Variants in CTNNA3 observed in about 807,000 individuals in gnomAD.
CTNNA3 encodes catenin alpha 3, also known as catenin alpha-3.
CTNNA3 carries 76 observed loss-of-function variants against 95.7 expected under a neutral mutation model. The observed-to-expected ratio is 0.79, with a 90% CI of 0.66 to 0.96. The LOEUF (loss-of-function observed/expected upper bound fraction) is 0.96, where lower values mean the gene tolerates loss of function less well. Ranked by LOEUF, CTNNA3 falls within the 40% of genes least tolerant of loss-of-function variation. The probability of loss-of-function intolerance (pLI) is 0.00; values close to 1 mark genes in which losing one functional copy is unlikely to be tolerated. For synonymous variants in CTNNA3, 431 were observed against 374.4 expected, an observed-to-expected ratio of 1.15 and a Z score of -1.74; for missense variants, 1,191 against 1,089.8, an observed-to-expected ratio of 1.09 and a Z score of -1.31.
At chr10:65,925,432 C>T (rs1264557874) in intron 17 of CTNNA3, among the ~76,000 whole-genome samples, 2 of 152,012 alleles carry the variant, frequency 1.3e-5, no homozygotes, top group African/African-American at 4.8e-5. Context: ...CTTCTTTCTT[C>T]TAATATATCT....
At position 67,727,053 on chromosome 10, in the gene CTNNA3, TATA is replaced by T. The variant is rs1368618446; in HGVS notation, c.-2+36378_-2+36380del. 3.5e-3 allele frequency among the ~76,000 whole-genome samples: 388 copies of T among 110,238 alleles called. 5 individuals carry two copies. The highest frequency in any genetic ancestry group is 0.017 in the African/African-American group (375 of 22,568). The allele number at this position is 110,238 out of a possible 152,430, so 72.3% of individuals were successfully genotyped here. ...TATATAATATATGATACATATATGA[TATA>T]ATTATATATAATATATGATACATAT... On this transcript the variant is annotated intron_variant, in intron 1 of 17. Transcript: ENST00000684154.
In CTNNA3 at chr10:66,406,536, A is replaced by T. The variant is rs181933350; in HGVS notation, c.1532-27184T>A. 3.1e-3 allele frequency among the ~76,000 whole-genome samples: 473 copies of T among 152,310 alleles called. 4 individuals carry two copies. The highest frequency in any genetic ancestry group is 5.2e-3 in the Non-Finnish European group (351 of 68,016). ...TATATGAAGAAAAGTCTTTATTGTTATAATAATAAGCTGATGTTGAATACT... is the reference window on the plus strand; with the variant it reads ...TATATGAAGAAAAGTCTTTATTGTTTTAATAATAAGCTGATGTTGAATACT... On this transcript the variant is annotated intron_variant, in intron 11 of 17. Coordinates refer to ENST00000433211, the MANE Select transcript of CTNNA3 (RefSeq NM_013266.4).
intron 3 of CTNNA3, among the ~76,000 whole-genome samples, chr10:67,568,229 A>C (rs1841872250): frequency 7.5e-6 from 1 of 132,732 alleles, no homozygotes; most frequent in African/African-American, 3.1e-5. Flanking sequence ...CAGGCTACAG[A>C]CTGTTTTTTT....
intron 7 of CTNNA3, chr10:66,926,807 A>C: frequency 1.0e-6 from 1 of 1,000,164 alleles, no homozygotes; most frequent in Non-Finnish European, 1.4e-6. Flanking sequence ...ATGTGATGTT[A>C]AGTGTTATTT....
chr10:66,376,066 T>C (rs72804767), intron 12 of CTNNA3, among the ~76,000 whole-genome samples: 9,281 of 152,110 alleles, frequency 0.061, 400 homozygotes, highest in East Asian at 0.11. Context: ...GGGTTGGAGG[T>C]TTGCAACAGC....
At chr10:67,005,682 CTTTTTTTT>C (rs11369576) in intron 7 of CTNNA3, among the ~76,000 whole-genome samples, 1 of 61,974 alleles carries the variant, frequency 1.6e-5, no homozygotes. Flanking sequence ...TTTACTCCAT[CTTTTTTTT>C]TTTTTTTTTT....
chr10:66,838,464 T>C (rs1410407382), intron 7 of CTNNA3, among the ~76,000 whole-genome samples: 2 of 152,160 alleles, frequency 1.3e-5, no homozygotes, highest in East Asian at 1.9e-4. Context: ...TAGGTTTTAA[T>C]GTACTTGACA....
At position 66,299,945 on chromosome 10, in the gene CTNNA3, C is replaced by T. The variant is rs1435616544; in HGVS notation, c.1733-19324G>A. 2.6e-5 allele frequency among the ~76,000 whole-genome samples: 4 copies of T among 151,978 alleles called. No homozygotes were observed. In the South Asian group the frequency reaches 6.3e-4, roughly 24 times the overall value. ...TCTCGCTCTGTTGCCCAGGCTGGAG[C>T]ACAATGGCATGATCTCGGTTCACTG... On this transcript the variant is annotated intron_variant, in intron 12 of 17. Coordinates refer to ENST00000433211, the MANE Select transcript of CTNNA3 (RefSeq NM_013266.4).
At chr10:67,627,022 T>C (rs1346534265) in intron 2 of CTNNA3, among the ~76,000 whole-genome samples, 1 of 152,200 alleles carries the variant, frequency 6.6e-6, no homozygotes, top group Non-Finnish European at 1.5e-5. Flanking sequence ...GCTACCTCTG[T>C]TAGATGTTTT....
intron 9 of CTNNA3, among the ~76,000 whole-genome samples, chr10:66,696,281 A>G (rs1847760554): frequency 6.6e-6 from 1 of 152,172 alleles, no homozygotes; most frequent in African/African-American, 2.4e-5. Context: ...TTCATTTTAA[A>G]ATAAAGAGAT....
chr10:67,122,693 A>T (rs1859530474), intron 7 of CTNNA3, among the ~76,000 whole-genome samples: 1 of 152,076 alleles, frequency 6.6e-6, no homozygotes, highest in Non-Finnish European at 1.5e-5. Context: ...GCATTAAGGG[A>T]TGTCTTTGTG....
chr10:66,146,071 C>A (rs1041964649), intron 13 of CTNNA3, among the ~76,000 whole-genome samples: 1 of 152,170 alleles, frequency 6.6e-6, no homozygotes, highest in African/African-American at 2.4e-5. Context: ...CCAGGATGGT[C>A]TTGATCTCTT....
At chr10:66,868,270 C>G (rs1279497642) in intron 7 of CTNNA3, among the ~76,000 whole-genome samples, 1 of 151,158 alleles carries the variant, frequency 6.6e-6, no homozygotes, top group African/African-American at 2.4e-5. Flanking sequence ...GAGGCTGAGG[C>G]TGGAGAATTG....
chr10:65,938,697 C>A (rs2077380175), intron 17 of CTNNA3, among the ~76,000 whole-genome samples: 1 of 152,122 alleles, frequency 6.6e-6, no homozygotes. Flanking sequence ...TGGCCAAAGA[C>A]AGAAGCCTAT....
At chr10:66,402,521 T>C (rs1298890615) in intron 11 of CTNNA3, among the ~76,000 whole-genome samples, 1 of 152,192 alleles carries the variant, frequency 6.6e-6, no homozygotes, top group Non-Finnish European at 1.5e-5. Context: ...TTTACTCATA[T>C]GTCAATATAT....
intron 11 of CTNNA3, among the ~76,000 whole-genome samples, chr10:66,450,589 C>T (rs191434030): frequency 1.3e-5 from 2 of 152,090 alleles, no homozygotes; most frequent in African/African-American, 2.4e-5. Flanking sequence ...TTGCATTTTA[C>T]AATAGGTAAG....
chr10:67,678,854 C>T (rs1840578241), intron 1 of CTNNA3, among the ~76,000 whole-genome samples: 1 of 151,980 alleles, frequency 6.6e-6, no homozygotes, highest in African/African-American at 2.4e-5. Context: ...GTAGTGTAAA[C>T]CTAGGATGAG....
intron 7 of CTNNA3, among the ~76,000 whole-genome samples, chr10:66,955,234 T>C (rs184434550): frequency 4.8e-4 from 71 of 146,846 alleles, no homozygotes; most frequent in African/African-American, 1.9e-3. Flanking sequence ...GGAAAATGGA[T>C]GTTATATACA....
chr10:66,393,200 C>G (rs2092947658), intron 11 of CTNNA3, among the ~76,000 whole-genome samples: 1 of 152,134 alleles, frequency 6.6e-6, no homozygotes, highest in East Asian at 1.9e-4. Flanking sequence ...GCTACGGGAA[C>G]AATAAAATTC....
Sources: allele counts gnomAD v4.1 joint callset (sites outside exome capture counted in the v4.1 genomes callset), GRCh38; gene constraint gnomAD v4.1.1; transcripts MANE v1.5; gene names NCBI Gene and HGNC (gene_info 2026-07-23, HGNC 2026-07-21).